Variants in NRG1 observed in about 807,000 individuals in gnomAD.
The protein encoded by NRG1 is neuregulin 1, also known as pro-neuregulin-1, membrane-bound isoform.
In NRG1, 18 loss-of-function variants were observed where a neutral mutation model predicts 63.8. The observed-to-expected ratio is 0.28, with a 90% CI of 0.19 to 0.42. The LOEUF (loss-of-function observed/expected upper bound fraction) is 0.42. Among genes scored for constraint, NRG1 ranks in the 10% least tolerant of loss-of-function variants. The pLI is 1.00. For missense variants in NRG1, 762 were observed against 814.7 expected, an observed-to-expected ratio of 0.94 and a Z score of 0.79; for synonymous variants, 302 against 301.3, an observed-to-expected ratio of 1.00 and a Z score of -0.02.
At chr8:32,504,157 G>A (rs983583062) in intron 1 of NRG1, among the ~76,000 whole-genome samples, 1 of 152,156 alleles carries the variant, frequency 6.6e-6, no homozygotes. Context: ...CTGATCAGCA[G>A]TTTCAGGCTC....
chr8:32,281,913 G>A (rs896905848), intron 1 of NRG1, among the ~76,000 whole-genome samples: 19 of 152,108 alleles, frequency 1.2e-4, no homozygotes, highest in South Asian at 8.3e-4. Flanking sequence ...ACACAACAAC[G>A]AAGTGTTTAA....
intron 3 of NRG1, among the ~76,000 whole-genome samples, chr8:32,612,834 G>A (rs911091503): frequency 6.6e-6 from 1 of 151,980 alleles, no homozygotes; most frequent in Non-Finnish European, 1.5e-5. Context: ...TGTCATTGAT[G>A]AATCCTGAAG....
intron 7 of NRG1, chr8:32,748,671 A>C (rs1403995083): frequency 6.6e-6 from 3 of 455,932 alleles, no homozygotes; most frequent in South Asian, 1.5e-5. Flanking sequence ...GGCTGTGTGC[A>C]TGGGAGTCCA....
At chr8:32,625,833 C>T (rs1435684486) in intron 5 of NRG1, among the ~76,000 whole-genome samples, 4 of 138,302 alleles carry the variant, frequency 2.9e-5, no homozygotes, top group South Asian at 2.3e-4. Context: ...CTAGCTCCGT[C>T]GTCAGGCTGG....
At chr8:32,382,827 G>A (rs988169471) in intron 1 of NRG1, among the ~76,000 whole-genome samples, 3 of 151,956 alleles carry the variant, frequency 2.0e-5, no homozygotes, top group African/African-American at 7.3e-5. Context: ...TCCAGGCCCT[G>A]GAAATTGAGC....
chr8:32,134,765 T>C (rs977685575), intron 1 of NRG1, among the ~76,000 whole-genome samples: 5 of 152,082 alleles, frequency 3.3e-5, no homozygotes, highest in South Asian at 2.1e-4. Context: ...GCTGTAATCC[T>C]AGTGCCTTTT....
chr8:32,525,274 A>G (rs906614811), intron 1 of NRG1, among the ~76,000 whole-genome samples: 1 of 152,164 alleles, frequency 6.6e-6, no homozygotes, highest in African/African-American at 2.4e-5. Flanking sequence ...GGCCAGAACC[A>G]CACCTGCTCA....
chr8:32,536,505 C>A (rs184937607), intron 1 of NRG1, among the ~76,000 whole-genome samples: 1 of 152,280 alleles, frequency 6.6e-6, no homozygotes, highest in East Asian at 1.9e-4. Context: ...TCAAAGCCAA[C>A]CGACTAACAA....
At chr8:31,726,588 G>A (rs952733480) in intron 1 of NRG1, among the ~76,000 whole-genome samples, 8 of 152,144 alleles carry the variant, frequency 5.3e-5, no homozygotes, top group Non-Finnish European at 8.8e-5. Flanking sequence ...ATTTGAGGCA[G>A]ATAATATTAT....
At chr8:32,469,104 T>C (rs768618273) in intron 1 of NRG1, among the ~76,000 whole-genome samples, 4 of 152,226 alleles carry the variant, frequency 2.6e-5, no homozygotes, top group African/African-American at 2.4e-5. Context: ...TGTGGAAGTC[T>C]GAACGTGGTG....
At chr8:31,655,071 T>C (rs7015144) in intron 1 of NRG1, among the ~76,000 whole-genome samples, 35,208 of 152,222 alleles carry the variant, frequency 0.23, 4,309 homozygotes, top group Admixed American at 0.27. Flanking sequence ...TTGCCATTCT[T>C]AGGATGTTTC....
In NRG1 at chr8:32,141,957, T is replaced by C. The variant is rs73232231; in HGVS notation, c.38-453871T>C. 1.7e-3 allele frequency among the ~76,000 whole-genome samples: 258 copies of C among 152,254 alleles called. 1 individual carries two copies. Among genetic ancestry groups the C allele is most frequent in the Non-Finnish European group, 3.1e-3 (211 of 68,020 alleles). On this transcript the variant is annotated intron_variant, in intron 1 of 10. Transcript: ENST00000519301. ...ACTGCAGGAGTTTTGCTAGTAATCTTCAGCTCCGTGGGAAGCCTTTGGACT... is the reference window on the plus strand; with the variant it reads ...ACTGCAGGAGTTTTGCTAGTAATCTCCAGCTCCGTGGGAAGCCTTTGGACT...
intron 1 of NRG1, among the ~76,000 whole-genome samples, chr8:32,065,533 G>A (rs183993000): frequency 6.6e-6 from 1 of 151,860 alleles, no homozygotes; most frequent in Non-Finnish European, 1.5e-5. Context: ...GGACATGGCT[G>A]CATAGTATTC....
At chr8:32,403,497 T>A (rs115499342) in intron 1 of NRG1, among the ~76,000 whole-genome samples, 1 of 152,158 alleles carries the variant, frequency 6.6e-6, no homozygotes, top group Non-Finnish European at 1.5e-5. Context: ...CACAGTCTTA[T>A]AGATTTTCAC....
At chr8:31,645,962 G>A (rs1804249044) in intron 1 of NRG1, among the ~76,000 whole-genome samples, 1 of 152,170 alleles carries the variant, frequency 6.6e-6, no homozygotes, top group Non-Finnish European at 1.5e-5. Flanking sequence ...GGGCCCAGGA[G>A]TGGATTGTAG....
chr8:32,552,754 A>G (rs1412449395), intron 1 of NRG1, among the ~76,000 whole-genome samples: 1 of 152,142 alleles, frequency 6.6e-6, no homozygotes, highest in Non-Finnish European at 1.5e-5. Flanking sequence ...AGAGCGGAAG[A>G]AAGTTGTATA....
At chr8:32,044,913 C>CAAAAAAAAAAAAAAAAAAAAAAACAAA in intron 1 of NRG1, among the ~76,000 whole-genome samples, 1 of 57,118 alleles carries the variant, frequency 1.8e-5, no homozygotes, top group African/African-American at 6.9e-5. Flanking sequence ...TAAAGAAAAG[C>CAAAAAAAAAAAAAAAAAAAAAAACAAA]AAAAAAAAAA....
At chr8:32,317,999 GA>G (rs141049089) in intron 1 of NRG1, among the ~76,000 whole-genome samples, 1 of 151,794 alleles carries the variant, frequency 6.6e-6, no homozygotes, top group South Asian at 2.1e-4. Context: ...AGAAAAGGGA[GA>G]AAAAAAATGA....
chr8:32,355,205 TC>T (rs2129480203), intron 1 of NRG1, among the ~76,000 whole-genome samples: 1 of 152,304 alleles, frequency 6.6e-6, no homozygotes, highest in East Asian at 1.9e-4. Context: ...ACTTGTGTAA[TC>T]CTAGCACTTT....
Sources: gnomAD v4.1 joint callset for allele counts (sites outside exome capture counted in the v4.1 genomes callset) on GRCh38, gnomAD v4.1.1 for gene constraint, MANE v1.5 for transcripts, NCBI Gene and HGNC (gene_info 2026-07-23, HGNC 2026-07-21) for gene names.